PCDHA2: variants seen among roughly 807,000 people sequenced by gnomAD.
PCDHA2 encodes the protein protocadherin alpha 2.
A neutral mutation model predicts 66.0 loss-of-function variants in PCDHA2; 58 were observed. The observed-to-expected ratio is 0.88, with a 90% CI of 0.71 to 1.09. The LOEUF (loss-of-function observed/expected upper bound fraction) is 1.09. Ranked by LOEUF, PCDHA2 falls within the 50% of genes least tolerant of loss-of-function variation. PCDHA2 has a pLI of 0.00. For synonymous variants in PCDHA2, 634 were observed against 554.0 expected (o/e 1.14, Z -2.03); for missense variants, 1,267 against 1,242.3 (o/e 1.02, Z -0.30).
At chr5:140,887,236 AC>A (rs1394086851) in intron 1 of PCDHA2, among the ~76,000 whole-genome samples, 1 of 151,804 alleles carries the variant, frequency 6.6e-6, no homozygotes, top group Non-Finnish European at 1.5e-5. Flanking sequence ...AGCTGAGACT[AC>A]CGGCGCCCGC....
At chr5:140,900,369 CTGGGT>C (rs1554189090) in intron 1 of PCDHA2, among the ~76,000 whole-genome samples, 2 of 152,158 alleles carry the variant, frequency 1.3e-5, no homozygotes, top group Non-Finnish European at 2.9e-5. Flanking sequence ...CCTCTGCCTC[CTGGGT>C]TCAAGCGATT....
chr5:140,823,881 C>T (rs2150130058), intron 1 of PCDHA2: 1 of 1,613,970 alleles, frequency 6.2e-7, no homozygotes, highest in South Asian at 1.1e-5. Flanking sequence ...TGATCATCGC[C>T]ATCTGTGCGG....
chr5:140,796,519 G>C lies in PCDHA2; in HGVS notation c.1555G>C (p.Ala519Pro). The C allele has an allele frequency of 5.6e-6, 9 of 1,612,476 alleles. No individual in the cohort carries two copies. The highest frequency in any genetic ancestry group is 7.6e-6 in the Non-Finnish European group (9 of 1,179,836). Reference sequence around the variant, plus strand: ...GCACGCGGAGAGCGGCAAGGTGTACGCGCTGCAGCCGCTGGACCACGAGGA... The same window carrying C: ...GCACGCGGAGAGCGGCAAGGTGTACCCGCTGCAGCCGCTGGACCACGAGGA... Reference protein sequence around the residue: ...SVHAESGKVYALQPLDHEEVE... With the variant: ...SVHAESGKVYPLQPLDHEEVE... The change falls in exon 1 of 4, where the codon GCG becomes CCG. Residue 519 changes from alanine to proline, a missense_variant. Coordinates refer to ENST00000526136, the MANE Select transcript of PCDHA2 (RefSeq NM_018905.3).
chr5:140,945,800 C>T (rs1411676680), intron 1 of PCDHA2, among the ~76,000 whole-genome samples: 1 of 152,026 alleles, frequency 6.6e-6, no homozygotes, highest in African/African-American at 2.4e-5. Flanking sequence ...TGAAACTAGA[C>T]CCTTATCTCA....
intron 1 of PCDHA2, chr5:140,822,943 C>T (rs1554128961): frequency 3.1e-6 from 5 of 1,614,116 alleles, no homozygotes; most frequent in Admixed American, 1.7e-5. Context: ...CTCCCTAATG[C>T]CCCACGTTCC....
intron 1 of PCDHA2, among the ~76,000 whole-genome samples, chr5:140,974,566 C>T (rs2096631979): frequency 6.6e-6 from 1 of 152,138 alleles, no homozygotes; most frequent in African/African-American, 2.4e-5. Context: ...GGCTGGAGTG[C>T]AATGGCATGA....
rs1265015709 is a variant in PCDHA2 at position 140,843,042 on chromosome 5, G to A, written c.2388+45690G>A. The A allele has an allele frequency of 6.3e-7, 1 of 1,595,054 alleles. No individual in the cohort carries two copies. The highest frequency in any genetic ancestry group is 8.6e-7 in the Non-Finnish European group (1 of 1,165,358). On this transcript the variant is annotated intron_variant, in intron 1 of 3. Transcript: ENST00000526136. ...CTGGAGCCTCGGGTGGGTGGCACTG[G>A]TGGCGCAGCGAGCAAGCTGGTGCCG... is the stretch of plus-strand genomic sequence containing the variant.
In PCDHA2 at chr5:140,848,080, C is replaced by T. The variant is rs114595741; in HGVS notation, c.2388+50728C>T. 638 of 165,510 alleles carry T rather than the reference C, an allele frequency of 3.9e-3. 35 individuals carry two copies. Among genetic ancestry groups the T allele is most frequent in the African/African-American group, 0.014 (569 of 41,328 alleles). 10.3% of individuals were successfully genotyped at this position (165,510 alleles called of 1,614,324 possible). A position where few individuals can be genotyped will look rare whatever the true frequency, so the allele number is the denominator to read the frequency against. ...ACTTCATTTCTGTCGTTATTTAAAA[C>T]TTAAGTGGAGAGTTTTCTCAGGGAT... On this transcript the variant is annotated intron_variant, in intron 1 of 3. Transcript: ENST00000526136.
intron 1 of PCDHA2, chr5:140,805,622 T>G: frequency 1.1e-6 from 1 of 915,270 alleles, no homozygotes; most frequent in Non-Finnish European, 1.3e-6. Context: ...TGTAAGAAAA[T>G]GTATTGTGGT....
At chr5:140,836,560 C>G (rs782229036) in intron 1 of PCDHA2, 1 of 1,613,738 alleles carries the variant, frequency 6.2e-7, no homozygotes, top group Non-Finnish European at 8.5e-7. Flanking sequence ...TGCTCAGCGC[C>G]GTCCTCTGAG....
chr5:140,979,359 T>C (rs1554240585), intron 2 of PCDHA2, among the ~76,000 whole-genome samples: 1 of 152,206 alleles, frequency 6.6e-6, no homozygotes, highest in Non-Finnish European at 1.5e-5. Context: ...TACTCATGCT[T>C]TGAGACTTGG....
chr5:140,955,036 T>C (rs2095128891), intron 1 of PCDHA2, among the ~76,000 whole-genome samples: 1 of 152,210 alleles, frequency 6.6e-6, no homozygotes, highest in Non-Finnish European at 1.5e-5. Context: ...AGGGAATCTT[T>C]TCCTCATTGC....
intron 1 of PCDHA2, among the ~76,000 whole-genome samples, chr5:140,846,986 C>A (rs1780801174): frequency 6.7e-6 from 1 of 149,066 alleles, no homozygotes; most frequent in South Asian, 2.1e-4. Flanking sequence ...AGTAAGTTCC[C>A]CCCGGGAGAA....
intron 1 of PCDHA2, chr5:140,824,475 A>G (rs1438730480): frequency 7.7e-6 from 3 of 390,628 alleles, no homozygotes; most frequent in Non-Finnish European, 1.4e-5. Context: ...TTTTATTGTT[A>G]TTTTTTAGAG....
At chr5:140,812,997 A>G (rs1020894266) in intron 1 of PCDHA2, 2 of 152,210 alleles carry the variant, frequency 1.3e-5, no homozygotes, top group Non-Finnish European at 2.9e-5. Flanking sequence ...CTGTGGTCAG[A>G]AAAGATATTT....
intron 1 of PCDHA2, chr5:140,870,474 C>T (rs1554164302): frequency 6.2e-7 from 1 of 1,614,218 alleles, no homozygotes; most frequent in Non-Finnish European, 8.5e-7. Context: ...TCGCACAGCC[C>T]GAGTACACCG....
intron 1 of PCDHA2, chr5:140,858,027 C>T: frequency 1.3e-6 from 2 of 1,596,754 alleles, no homozygotes; most frequent in Non-Finnish European, 1.7e-6. Flanking sequence ...TCGCTGACGG[C>T]CACGGCCACT....
At chr5:140,851,776 A>G (rs2042157879) in intron 1 of PCDHA2, 1 of 964,146 alleles carries the variant, frequency 1.0e-6, no homozygotes, top group South Asian at 4.8e-5. Flanking sequence ...TTATGAATTT[A>G]GATGAGAATT....
At chr5:140,903,545 CTT>C (rs1410531246) in intron 1 of PCDHA2, among the ~76,000 whole-genome samples, 2 of 152,130 alleles carry the variant, frequency 1.3e-5, no homozygotes, top group East Asian at 3.8e-4. Flanking sequence ...GAGCAAGAAA[CTT>C]TTCTAATAAG....
Sources: gnomAD v4.1 joint callset for allele counts (sites outside exome capture counted in the v4.1 genomes callset) on GRCh38, gnomAD v4.1.1 for gene constraint, MANE v1.5 for transcripts, NCBI Gene and HGNC (gene_info 2026-07-23, HGNC 2026-07-21) for gene names.